The following SGCZ variants were observed in gnomAD, a reference collection of about 807,000 sequenced individuals.
The protein encoded by SGCZ is sarcoglycan zeta.
Under a neutral mutation model 41.3 loss-of-function variants are expected in SGCZ, and 40 were observed. That is an observed-to-expected ratio of 0.97 (90% CI 0.75 to 1.26). The LOEUF is 1.26. SGCZ is among the 50% of genes most tolerant of loss of function. SGCZ has a pLI of 0.00. For synonymous variants in SGCZ, 206 were observed against 137.5 expected (o/e 1.50, Z -3.49); for missense variants, 552 against 369.8 (o/e 1.49, Z -4.04).
intron 3 of SGCZ, among the ~76,000 whole-genome samples, chr8:14,321,097 C>G (rs1563255569): frequency 6.6e-6 from 1 of 152,182 alleles, no homozygotes; most frequent in East Asian, 1.9e-4. Flanking sequence ...ATGTTATCAT[C>G]ATTACCATTT....
At chr8:14,343,460 T>C (rs1802780422) in intron 2 of SGCZ, among the ~76,000 whole-genome samples, 1 of 152,130 alleles carries the variant, frequency 6.6e-6, no homozygotes, top group Non-Finnish European at 1.5e-5. Flanking sequence ...AAAAGAGAGA[T>C]GAAGAGAGTT....
chr8:14,811,408 T>C (rs1408845001), intron 1 of SGCZ, among the ~76,000 whole-genome samples: 1 of 151,506 alleles, frequency 6.6e-6, no homozygotes, highest in African/African-American at 2.4e-5. Flanking sequence ...TGGCTTTGTT[T>C]ATAGATGAAA....
chr8:14,598,514 GT>G (rs1272147312), intron 1 of SGCZ, among the ~76,000 whole-genome samples: 2 of 151,520 alleles, frequency 1.3e-5, no homozygotes, highest in East Asian at 1.9e-4. Flanking sequence ...CAAACACATA[GT>G]TTTATATATA....
chr8:14,129,268 C>T (rs923623955), intron 5 of SGCZ, among the ~76,000 whole-genome samples: 5 of 146,988 alleles, frequency 3.4e-5, no homozygotes, highest in African/African-American at 1.0e-4. Flanking sequence ...ATTGCTTGAA[C>T]CCAGGAGGCA....
chr8:14,569,652 A>T (rs1370380601), intron 1 of SGCZ, among the ~76,000 whole-genome samples: 1 of 152,170 alleles, frequency 6.6e-6, no homozygotes, highest in Non-Finnish European at 1.5e-5. Flanking sequence ...ATGGTAAGTG[A>T]GATGTTAAGA....
At chr8:14,140,547 T>C (rs1383504566) in intron 5 of SGCZ, among the ~76,000 whole-genome samples, 5 of 152,034 alleles carry the variant, frequency 3.3e-5, no homozygotes, top group African/African-American at 7.3e-5. Flanking sequence ...GAGAGCAAAA[T>C]AGTGAGTGAA....
intron 1 of SGCZ, among the ~76,000 whole-genome samples, chr8:14,811,852 G>T (rs931731221): frequency 3.3e-5 from 5 of 151,834 alleles, no homozygotes; most frequent in Non-Finnish European, 7.4e-5. Context: ...TGTTTTTAGT[G>T]GAACCACAAA....
At chr8:14,648,378 G>T (rs971747299) in intron 1 of SGCZ, among the ~76,000 whole-genome samples, 6 of 152,014 alleles carry the variant, frequency 3.9e-5, no homozygotes, top group African/African-American at 1.4e-4. Flanking sequence ...ACAGAAAGTG[G>T]CAAGAAGTGT....
intron 4 of SGCZ, among the ~76,000 whole-genome samples, chr8:14,207,922 G>A (rs1805670834): frequency 6.6e-6 from 1 of 152,116 alleles, no homozygotes; most frequent in Non-Finnish European, 1.5e-5. Flanking sequence ...GTTGTGATGA[G>A]CATGGTACTA....
chr8:15,121,806 C>T (rs1807487695), intron 1 of SGCZ, among the ~76,000 whole-genome samples: 1 of 150,492 alleles, frequency 6.6e-6, no homozygotes, highest in South Asian at 2.1e-4. Flanking sequence ...GAAAACAGTG[C>T]CAATATGAAG....
intron 2 of SGCZ, among the ~76,000 whole-genome samples, chr8:14,484,445 A>C (rs1210989774): frequency 6.6e-6 from 1 of 152,114 alleles, no homozygotes; most frequent in African/African-American, 2.4e-5. Context: ...TTTACAAATA[A>C]ATTTTTTAAT....
chr8:14,258,351 A>G (rs1271602894), intron 3 of SGCZ, among the ~76,000 whole-genome samples: 2 of 152,156 alleles, frequency 1.3e-5, no homozygotes, highest in Admixed American at 6.6e-5. Flanking sequence ...TGCACTCTGC[A>G]AACACATGCC....
intron 2 of SGCZ, among the ~76,000 whole-genome samples, chr8:14,334,303 C>T (rs1802433561): frequency 6.6e-6 from 1 of 152,056 alleles, no homozygotes; most frequent in Admixed American, 6.6e-5. Flanking sequence ...GTTCATACAG[C>T]ACTTCAGCAG....
At chr8:14,606,113 C>A (rs1208902888) in intron 1 of SGCZ, among the ~76,000 whole-genome samples, 1 of 151,882 alleles carries the variant, frequency 6.6e-6, no homozygotes, top group African/African-American at 2.4e-5. Context: ...TTTCTATTAC[C>A]ACCGAGGAAC....
intron 3 of SGCZ, among the ~76,000 whole-genome samples, chr8:14,277,104 C>A (rs960987322): frequency 5.9e-5 from 9 of 152,174 alleles, no homozygotes; most frequent in Non-Finnish European, 1.2e-4. Flanking sequence ...ACCTGGACAT[C>A]CTCCACTAAT....
chr8:14,140,413 A>G (rs1803333248), intron 5 of SGCZ, among the ~76,000 whole-genome samples: 1 of 152,220 alleles, frequency 6.6e-6, no homozygotes, highest in Admixed American at 6.5e-5. Context: ...TTGTATATCT[A>G]GAAAACCCCA....
intron 1 of SGCZ, among the ~76,000 whole-genome samples, chr8:15,083,872 C>T (rs1191738817): frequency 2.0e-5 from 3 of 152,178 alleles, no homozygotes; most frequent in African/African-American, 7.2e-5. Flanking sequence ...GTATAAGCCA[C>T]TGCACCTGGC....
chr8:15,160,131 G>A (rs72607340), intron 1 of SGCZ, among the ~76,000 whole-genome samples: 36,167 of 151,754 alleles, frequency 0.24, 4,715 homozygotes, highest in East Asian at 0.55. Context: ...AACGATTTTC[G>A]TCTTGTAAAA....
At chr8:14,858,502 T>G (rs1351087139) in intron 1 of SGCZ, among the ~76,000 whole-genome samples, 1 of 152,108 alleles carries the variant, frequency 6.6e-6, no homozygotes. Flanking sequence ...CAGATACAAG[T>G]TGGATATAGT....
Sources: gnomAD v4.1 joint callset for allele counts (sites outside exome capture counted in the v4.1 genomes callset) on GRCh38, gnomAD v4.1.1 for gene constraint, MANE v1.5 for transcripts, NCBI Gene and HGNC (gene_info 2026-07-23, HGNC 2026-07-21) for gene names.